MPDZ: variants seen among roughly 807,000 people sequenced by gnomAD.
MPDZ encodes multiple PDZ domain protein.
A neutral mutation model predicts 239.1 loss-of-function variants in MPDZ; 234 were observed. The observed-to-expected ratio is 0.98, with a 90% CI of 0.88 to 1.09. MPDZ has a LOEUF of 1.09. Ranked by LOEUF, MPDZ falls within the 50% of genes least tolerant of loss-of-function variation. The pLI is 0.00. For synonymous variants in MPDZ, 1,048 were observed against 881.3 expected (o/e 1.19, Z -3.35); for missense variants, 3,175 against 2,510.0 (o/e 1.26, Z -5.66).
intron 12 of MPDZ, among the ~76,000 whole-genome samples, chr9:13,199,485 C>A (rs1437520966): frequency 6.6e-6 from 1 of 151,814 alleles, no homozygotes; most frequent in Non-Finnish European, 1.5e-5. Context: ...TCTGGATGCC[C>A]GTTATTTCCT....
intron 10 of MPDZ, among the ~76,000 whole-genome samples, chr9:13,207,670 T>G (rs1247451428): frequency 1.2e-4 from 19 of 152,194 alleles, no homozygotes; most frequent in Non-Finnish European, 2.6e-4. Flanking sequence ...CCTCATAGCA[T>G]TTTTCAGAAT....
intron 12 of MPDZ, 144 bp from the exon 13 acceptor site, chr9:13,196,374 ATTAT>A: frequency 2.1e-6 from 1 of 485,738 alleles, no homozygotes; most frequent in African/African-American, 2.0e-5. Context: ...CATCTCCATA[ATTAT>A]TTAAATACTT....
chr9:13,147,141 TTC>T (rs1394632377), intron 26 of MPDZ, among the ~76,000 whole-genome samples: 3 of 152,000 alleles, frequency 2.0e-5, no homozygotes, highest in Non-Finnish European at 4.4e-5. Context: ...AAGTAGGAGA[TTC>T]TGTCTAGAGA....
At chr9:13,176,505 A>G in intron 19 of MPDZ, 88 bp from the exon 20 acceptor site, 3 of 1,038,936 alleles carry the variant, frequency 2.9e-6, no homozygotes, top group Non-Finnish European at 2.6e-6. Context: ...ATGAACAACT[A>G]TTTAGTGAAA....
chr9:13,136,227 T>C, intron 30 of MPDZ, 45 bp from the exon 31 acceptor site: 1 of 1,333,636 alleles, frequency 7.5e-7, no homozygotes, highest in Non-Finnish European at 1.1e-6. Context: ...CATGGTATTA[T>C]TTTCATTCTC....
chr9:13,262,265 C>A (rs983142208), intron 1 of MPDZ, among the ~76,000 whole-genome samples: 10 of 151,716 alleles, frequency 6.6e-5, no homozygotes, highest in African/African-American at 2.4e-4. Flanking sequence ...TAGTTTGAGA[C>A]CACCCTGGGC....
intron 1 of MPDZ, among the ~76,000 whole-genome samples, chr9:13,251,722 C>G (rs1968069219): frequency 6.6e-6 from 1 of 152,224 alleles, no homozygotes; most frequent in Non-Finnish European, 1.5e-5. Flanking sequence ...TACAGAGCAT[C>G]AATGTCTGCA....
At chr9:13,215,391 T>C (rs1958171612) in intron 10 of MPDZ, among the ~76,000 whole-genome samples, 1 of 151,276 alleles carries the variant, frequency 6.6e-6, no homozygotes, top group South Asian at 2.1e-4. Context: ...AATATGTGTC[T>C]ATATATCTAT....
chr9:13,214,389 A>T (rs959979228), intron 10 of MPDZ, among the ~76,000 whole-genome samples: 2 of 151,978 alleles, frequency 1.3e-5, no homozygotes, highest in African/African-American at 4.8e-5. Context: ...AGAGACAGAA[A>T]GTAGATTGGT....
At chr9:13,107,367 GCT>G (rs1941641258) in intron 46 of MPDZ, among the ~76,000 whole-genome samples, 5 of 152,174 alleles carry the variant, frequency 3.3e-5, no homozygotes, top group African/African-American at 1.2e-4. Context: ...TGGGTTTTTG[GCT>G]GTTCAGCACA....
chr9:13,107,210 G>C, intron 46 of MPDZ, 99 bp from the exon 47 acceptor site: 1 of 1,270,218 alleles, frequency 7.9e-7, no homozygotes, highest in Non-Finnish European at 1.1e-6. Flanking sequence ...TGCTCTGCTT[G>C]TACACACACA....
chr9:13,136,492 C>T (rs547448581), intron 30 of MPDZ, among the ~76,000 whole-genome samples: 26 of 151,386 alleles, frequency 1.7e-4, no homozygotes, highest in South Asian at 4.2e-4. Flanking sequence ...CCACCACGCC[C>T]GGCTAATTTT....
intron 40 of MPDZ, 41 bp from the exon 41 acceptor site, chr9:13,114,062 A>C: frequency 7.0e-7 from 1 of 1,429,700 alleles, no homozygotes; most frequent in Non-Finnish European, 9.7e-7. Flanking sequence ...TTTTGCAAGT[A>C]ACATACTCCC....
intron 9 of MPDZ, 36 bp downstream of exon 9, chr9:13,217,144 G>A (rs115729584): frequency 7.7e-7 from 1 of 1,293,670 alleles, no homozygotes; most frequent in African/African-American, 1.5e-5. Flanking sequence ...AGAGGTAATT[G>A]TCAAGTTTAA....
intron 12 of MPDZ, among the ~76,000 whole-genome samples, chr9:13,200,137 A>T (rs939533181): frequency 4.0e-5 from 6 of 151,862 alleles, no homozygotes; most frequent in African/African-American, 1.4e-4. Flanking sequence ...TGGTCCGTTC[A>T]AGTTTTCTAT....
intron 1 of MPDZ, among the ~76,000 whole-genome samples, chr9:13,252,299 G>A (rs915883242): frequency 1.1e-4 from 16 of 152,238 alleles, no homozygotes; most frequent in African/African-American, 4.8e-5. Context: ...CGGGCGCGGT[G>A]GCTCATGCCT....
chr9:13,159,784 T>TA (rs1950247269), intron 23 of MPDZ, among the ~76,000 whole-genome samples: 1 of 152,120 alleles, frequency 6.6e-6, no homozygotes, highest in Non-Finnish European at 1.5e-5. Context: ...GATGATTCTA[T>TA]AATCTTGAAT....
intron 1 of MPDZ, 137 bp downstream of exon 1, chr9:13,279,263 A>ACCCCCACCCCCCCCCCCG (rs1564192276): frequency 8.7e-5 from 3 of 34,414 alleles, no homozygotes; most frequent in Admixed American, 2.0e-4. Context: ...CCCCACCCCC[A>ACCCCCACCCCCCCCCCCG]CCCCCACCCC....
At chr9:13,227,416 T>C (rs902402486) in intron 3 of MPDZ, among the ~76,000 whole-genome samples, 4 of 152,176 alleles carry the variant, frequency 2.6e-5, no homozygotes, top group Admixed American at 2.6e-4. Context: ...TCAATAAAGT[T>C]TGCCAGCAGA....
Sources: allele counts gnomAD v4.1 joint callset (sites outside exome capture counted in the v4.1 genomes callset), GRCh38; gene constraint gnomAD v4.1.1; transcripts MANE v1.5; gene names NCBI Gene and HGNC (gene_info 2026-07-23, HGNC 2026-07-21).